The following ZNF81 variants were observed in gnomAD, a reference collection of about 807,000 sequenced individuals.
ZNF81 encodes zinc finger protein 81 (HFZ20).
Under a neutral mutation model 32.3 loss-of-function variants are expected in ZNF81, and 5 were observed. The observed-to-expected ratio is 0.15, with a 90% confidence interval of 0.08 to 0.33. The LOEUF is 0.33. Among genes scored for constraint, ZNF81 ranks in the 10% least tolerant of loss-of-function variants. The probability of loss-of-function intolerance (pLI) is 1.00; values close to 1 mark genes in which losing one functional copy is unlikely to be tolerated. For missense variants in ZNF81, 379 were observed against 479.8 expected, an observed-to-expected ratio of 0.79 and a Z score of 1.96; for synonymous variants, 163 against 166.8, an observed-to-expected ratio of 0.98 and a Z score of 0.17.
At chrX:47,911,780 C>A (rs1457314758) in intron 4 of ZNF81, among the ~76,000 whole-genome samples, 9 of 111,335 alleles carry the variant, frequency 8.1e-5, no homozygotes, top group African/African-American at 2.9e-4. Context: ...TTTTGACATT[C>A]AGAAGAAAAA....
At chrX:47,891,804 G>GTCTGA (rs2058663349) in intron 3 of ZNF81, among the ~76,000 whole-genome samples, 1 of 112,044 alleles carries the variant, frequency 8.9e-6, no homozygotes, top group Non-Finnish European at 1.9e-5. Context: ...TTCCCAAAAT[G>GTCTGA]TCTGATTATT....
At chrX:47,910,179 G>A (rs1371128011) in intron 4 of ZNF81, among the ~76,000 whole-genome samples, 5 of 111,277 alleles carry the variant, frequency 4.5e-5, no homozygotes, top group Admixed American at 9.5e-5. Flanking sequence ...CTGAGGAATC[G>A]CCACACTGAC....
chrX:47,861,855 C>A (rs916721438), intron 2 of ZNF81, among the ~76,000 whole-genome samples: 1 of 112,295 alleles, frequency 8.9e-6, no homozygotes, highest in Admixed American at 9.4e-5. Flanking sequence ...CCCCAAAGGG[C>A]AATTTCATTA....
chrX:47,889,392 A>G (rs1241098135), intron 3 of ZNF81, among the ~76,000 whole-genome samples: 1 of 112,554 alleles, frequency 8.9e-6, no homozygotes, highest in East Asian at 2.8e-4. Flanking sequence ...AGAAAAGGGA[A>G]GAATGACTTT....
intron 2 of ZNF81, among the ~76,000 whole-genome samples, chrX:47,859,092 CAAA>C (rs1166917817): frequency 1.4e-5 from 1 of 69,857 alleles, no homozygotes; most frequent in African/African-American, 5.4e-5. Context: ...AACTCCGTCT[CAAA>C]AAAAAAAAAA....
At chrX:47,869,679 ATTTTG>A (rs782420758) in intron 2 of ZNF81, among the ~76,000 whole-genome samples, 1 of 109,092 alleles carries the variant, frequency 9.2e-6, no homozygotes, top group Non-Finnish European at 1.9e-5. Context: ...GTTTTTTTTT[ATTTTG>A]TTTTGTTTTG....
In ZNF81 at chrX:47,916,611, G is replaced by A; in HGVS notation, c.1965G>A (p.Met655Ile). 1 of 1,202,583 alleles carries A rather than the reference G, an allele frequency of 8.3e-7. No homozygotes were observed. The highest frequency in any genetic ancestry group is 1.1e-6 in the Non-Finnish European group (1 of 892,228). Residue 655 changes from methionine to isoleucine, a missense_variant, in exon 5 of 5, where the codon ATG (methionine) becomes ATA (isoleucine). By Grantham distance (10) the Met-to-Ile change is conservative. Coordinates refer to ENST00000338637, the MANE Select transcript of ZNF81 (RefSeq NM_007137.5). ...TCACCCAGAAATCAGTTCTCAGTAT[G>A]CATCGCAATATTCATACATGAAAGT... ...KGFTQKSVLS[M>I]HRNIHT
At chrX:47,839,254 C>T (rs1451421042) in intron 1 of ZNF81, among the ~76,000 whole-genome samples, 1 of 111,886 alleles carries the variant, frequency 8.9e-6, no homozygotes, top group African/African-American at 3.3e-5. Context: ...CTGGAAACTT[C>T]CATTTGGAAG....
At chrX:47,882,170 G>C (rs782527330) in intron 2 of ZNF81, among the ~76,000 whole-genome samples, 20 of 110,086 alleles carry the variant, frequency 1.8e-4, no homozygotes, top group African/African-American at 6.3e-4. Flanking sequence ...ATATGTGTGT[G>C]TATATATATA....
At chrX:47,849,283 G>A (rs1319176279) in intron 2 of ZNF81, among the ~76,000 whole-genome samples, 2 of 111,433 alleles carry the variant, frequency 1.8e-5, no homozygotes, top group East Asian at 5.6e-4. Context: ...CCTTCCATAG[G>A]CCTAGAAAGA....
chrX:47,895,241 C>T (rs1016317777), intron 3 of ZNF81, among the ~76,000 whole-genome samples: 3 of 111,178 alleles, frequency 2.7e-5, no homozygotes, highest in Non-Finnish European at 5.7e-5. Context: ...AAAGTGAGGT[C>T]ATTAGGGTGG....
At chrX:47,843,623 A>G (rs1351383197) in intron 1 of ZNF81, among the ~76,000 whole-genome samples, 1 of 111,820 alleles carries the variant, frequency 8.9e-6, no homozygotes. Context: ...CCCAGGCTCA[A>G]GCAATCCTTC....
At chrX:47,850,882 GGCACGCGCGCAC>G (rs2058491638) in intron 2 of ZNF81, among the ~76,000 whole-genome samples, 1 of 44,815 alleles carries the variant, frequency 2.2e-5, no homozygotes, top group Non-Finnish European at 5.2e-5. Context: ...CTCATTCACA[GGCACGCGCGCAC>G]ACACACACAC....
At chrX:47,880,016 A>G (rs2058614377) in intron 2 of ZNF81, among the ~76,000 whole-genome samples, 1 of 112,292 alleles carries the variant, frequency 8.9e-6, no homozygotes, top group African/African-American at 3.2e-5. Context: ...TGAACTGATG[A>G]ATCTAGAGGC....
intron 2 of ZNF81, among the ~76,000 whole-genome samples, chrX:47,870,420 C>T (rs1401035470): frequency 8.9e-6 from 1 of 112,314 alleles, no homozygotes; most frequent in African/African-American, 3.2e-5. Flanking sequence ...GACTTTGATT[C>T]ATTTGCTCCA....
chrX:47,898,157 G>A (rs2058686173), intron 4 of ZNF81, among the ~76,000 whole-genome samples: 1 of 111,296 alleles, frequency 9.0e-6, no homozygotes, highest in Non-Finnish European at 1.9e-5. Flanking sequence ...AATTCCACTG[G>A]GCTCTAGGGT....
chrX:47,914,028 A>G (rs1201330902), intron 4 of ZNF81, among the ~76,000 whole-genome samples: 1 of 111,547 alleles, frequency 9.0e-6, no homozygotes, highest in Non-Finnish European at 1.9e-5. Flanking sequence ...GATTCAATAT[A>G]AGTATCATCT....
At chrX:47,879,278 C>T (rs1379278197) in intron 2 of ZNF81, among the ~76,000 whole-genome samples, 1 of 111,356 alleles carries the variant, frequency 9.0e-6, no homozygotes, top group African/African-American at 3.3e-5. Context: ...TCGACAAGGC[C>T]CTCATCTTTC....
intron 3 of ZNF81, among the ~76,000 whole-genome samples, chrX:47,893,425 C>G (rs1456461240): frequency 9.0e-6 from 1 of 111,217 alleles, no homozygotes; most frequent in African/African-American, 3.3e-5. Context: ...GCCAACAAGA[C>G]AGGAAACAGG....
Sources: allele counts gnomAD v4.1 joint callset (sites outside exome capture counted in the v4.1 genomes callset), GRCh38; gene constraint gnomAD v4.1.1; transcripts MANE v1.5; gene names NCBI Gene and HGNC (gene_info 2026-07-23, HGNC 2026-07-21).